The following FOXP2 variants were observed in gnomAD, a reference collection of about 807,000 sequenced individuals.
FOXP2 encodes the protein forkhead box P2, also known as forkhead box protein P2.
FOXP2 carries 12 observed loss-of-function variants against 115.8 expected under a neutral mutation model. That is an observed-to-expected ratio of 0.10 (90% CI 0.07 to 0.17). The LOEUF (loss-of-function observed/expected upper bound fraction) is 0.17, where lower values mean the gene tolerates loss of function less well. Among genes scored for constraint, FOXP2 ranks in the 10% least tolerant of loss-of-function variants. The pLI is 1.00. For synonymous variants in FOXP2, 328 were observed against 297.7 expected (o/e 1.10, Z -1.05); for missense variants, 629 against 843.5 (o/e 0.75, Z 3.15).
chr7:114,482,568 GTTTC>G (rs1332202946), intron 2 of FOXP2, among the ~76,000 whole-genome samples: 1 of 151,426 alleles, frequency 6.6e-6, no homozygotes, highest in Non-Finnish European at 1.5e-5. Flanking sequence ...TCAGTAGTTT[GTTTC>G]TTTCCCTTTC....
intron 2 of FOXP2, among the ~76,000 whole-genome samples, chr7:114,305,157 T>G (rs1796983275): frequency 6.6e-6 from 1 of 152,154 alleles, no homozygotes; most frequent in Non-Finnish European, 1.5e-5. Context: ...TCATTATTCA[T>G]CTCATCATTT....
intron 2 of FOXP2, among the ~76,000 whole-genome samples, chr7:114,345,102 A>G (rs1791315225): frequency 6.6e-6 from 1 of 151,842 alleles, no homozygotes; most frequent in Admixed American, 6.6e-5. Context: ...TTTTTAACAA[A>G]TAGGGATACT....
At position 114,691,565 on chromosome 7, in the gene FOXP2, T is replaced by C; in HGVS notation, c.*1639T>C. The C allele has an allele frequency of 2.2e-6, 1 of 454,006 alleles. No homozygotes were observed. The highest frequency in any genetic ancestry group is 4.4e-6 in the Non-Finnish European group (1 of 226,750). The allele number at this position is 454,006 out of a possible 1,614,324, so 28.1% of individuals were successfully genotyped here. On this transcript the variant is annotated 3_prime_UTR_variant, in exon 17 of 17. Transcript: ENST00000350908. Reference sequence around the variant, plus strand: ...AAAACTATGATAATGAGTTATGATGTAGTTGAAAATAGCATAGTCAGATGT... The same window carrying C: ...AAAACTATGATAATGAGTTATGATGCAGTTGAAAATAGCATAGTCAGATGT...
chr7:114,301,204 AC>A (rs1395369388), intron 2 of FOXP2, among the ~76,000 whole-genome samples: 1 of 152,024 alleles, frequency 6.6e-6, no homozygotes, highest in Admixed American at 6.6e-5. Flanking sequence ...AACGCTGAAA[AC>A]CAGACAAGTG....
At chr7:114,458,664 C>T (rs2129223434) in intron 2 of FOXP2, among the ~76,000 whole-genome samples, 1 of 151,110 alleles carries the variant, frequency 6.6e-6, no homozygotes, top group East Asian at 1.9e-4. Flanking sequence ...CCTCCCGCCT[C>T]AGCCTTCCAA....
At chr7:114,189,155 T>G (rs759582242) in intron 1 of FOXP2, among the ~76,000 whole-genome samples, 44 of 152,318 alleles carry the variant, frequency 2.9e-4, no homozygotes, top group Middle Eastern at 3.4e-3. Context: ...CCAATTAACT[T>G]TATTTCATAA....
intron 16 of FOXP2, among the ~76,000 whole-genome samples, chr7:114,686,732 A>C (rs909369026): frequency 2.0e-5 from 3 of 152,172 alleles, no homozygotes; most frequent in Non-Finnish European, 4.4e-5. Flanking sequence ...ATAGCTATGA[A>C]AATAAAATCT....
chr7:114,599,985 G>A (rs1017075932), intron 3 of FOXP2, among the ~76,000 whole-genome samples: 3 of 151,992 alleles, frequency 2.0e-5, no homozygotes, highest in Non-Finnish European at 2.9e-5. Flanking sequence ...TCTTGCACTG[G>A]TATGGTGCAT....
intron 2 of FOXP2, among the ~76,000 whole-genome samples, chr7:114,352,139 C>A (rs1359019874): frequency 6.6e-6 from 1 of 151,718 alleles, no homozygotes; most frequent in Non-Finnish European, 1.5e-5. Context: ...TGGTGGGGCA[C>A]ACCTGTAGTC....
Position 114,609,090 on chromosome 7 carries a change from G to T in FOXP2, c.259-19450G>T, listed in dbSNP as rs189114937. ...TAGCTGGGTGTGGTGGCGGGCATCT[G>T]TAATCCCAGCTGCCTGAGAGGTTGA... is the stretch of plus-strand genomic sequence containing the variant. On this transcript the variant is annotated intron_variant, in intron 3 of 16. Transcript: ENST00000350908. Among the ~76,000 whole-genome samples the T allele has an allele frequency of 1.9e-3, 282 of 152,010 alleles. 2 individuals are homozygous for T. Among genetic ancestry groups the T allele is most frequent in the African/African-American group, 6.4e-3 (265 of 41,470 alleles).
intron 2 of FOXP2, among the ~76,000 whole-genome samples, chr7:114,498,716 A>G (rs1797432187): frequency 6.6e-6 from 1 of 152,194 alleles, no homozygotes; most frequent in African/African-American, 2.4e-5. Flanking sequence ...AATAATCCAC[A>G]TTTTTAACTG....
chr7:114,528,520 G>A (rs1798983331), intron 2 of FOXP2, among the ~76,000 whole-genome samples: 1 of 151,860 alleles, frequency 6.6e-6, no homozygotes, highest in Non-Finnish European at 1.5e-5. Flanking sequence ...ACATTTTTAA[G>A]GACAAACACT....
intron 2 of FOXP2, among the ~76,000 whole-genome samples, chr7:114,384,693 T>C (rs1318362809): frequency 1.3e-5 from 2 of 152,098 alleles, no homozygotes; most frequent in African/African-American, 2.4e-5. Context: ...TTTTCTAACA[T>C]AGTAGCCCCA....
intron 10 of FOXP2, among the ~76,000 whole-genome samples, chr7:114,656,004 C>T (rs1176591799): frequency 6.6e-6 from 1 of 152,110 alleles, no homozygotes; most frequent in Non-Finnish European, 1.5e-5. Context: ...TTACATGCTT[C>T]CCTTTAGTTA....
chr7:114,396,739 G>T (rs982914535), intron 2 of FOXP2, among the ~76,000 whole-genome samples: 20 of 151,812 alleles, frequency 1.3e-4, no homozygotes, highest in African/African-American at 4.8e-4. Flanking sequence ...TAGACAGCAG[G>T]CATAAGTTTG....
chr7:114,285,622 C>T (rs930996954), intron 1 of FOXP2, among the ~76,000 whole-genome samples: 4 of 152,044 alleles, frequency 2.6e-5, no homozygotes, highest in African/African-American at 9.7e-5. Context: ...AACAAGAGTT[C>T]TCATCTTTCT....
chr7:114,373,168 T>C (rs527871029), intron 2 of FOXP2, among the ~76,000 whole-genome samples: 15 of 152,120 alleles, frequency 9.9e-5, no homozygotes, highest in African/African-American at 3.4e-4. Flanking sequence ...AATTTTTTTG[T>C]TTGTTTGTTT....
intron 1 of FOXP2, among the ~76,000 whole-genome samples, chr7:114,183,777 AG>A (rs1793519855): frequency 1.3e-5 from 2 of 152,184 alleles, no homozygotes; most frequent in Admixed American, 6.6e-5. Flanking sequence ...CTTTAAAAAT[AG>A]CTAATTAGTG....
chr7:114,510,280 G>A (rs185520106), intron 2 of FOXP2, among the ~76,000 whole-genome samples: 4 of 152,190 alleles, frequency 2.6e-5, no homozygotes, highest in Admixed American at 2.0e-4. Flanking sequence ...CATTTTCCAT[G>A]ACTGATATGC....
Sources: gnomAD v4.1 joint callset for allele counts (sites outside exome capture counted in the v4.1 genomes callset) on GRCh38, gnomAD v4.1.1 for gene constraint, MANE v1.5 for transcripts, NCBI Gene and HGNC (gene_info 2026-07-23, HGNC 2026-07-21) for gene names.